TMEM196: variants seen among roughly 807,000 people sequenced by gnomAD.
The protein encoded by TMEM196 is transmembrane protein 196.
Under a neutral mutation model 20.0 loss-of-function variants are expected in TMEM196, and 17 were observed. That is an observed-to-expected ratio of 0.85 (90% CI 0.58 to 1.27). The LOEUF (loss-of-function observed/expected upper bound fraction) is 1.27. TMEM196 is among the 50% of genes most tolerant of loss of function. TMEM196 has a pLI of 0.00. For missense variants in TMEM196, 267 were observed against 223.0 expected, an observed-to-expected ratio of 1.20 and a Z score of -1.26; for synonymous variants, 113 against 88.9, an observed-to-expected ratio of 1.27 and a Z score of -1.52.
At chr7:19,754,858 C>T (rs1434977422) in intron 1 of TMEM196, among the ~76,000 whole-genome samples, 4 of 152,118 alleles carry the variant, frequency 2.6e-5, no homozygotes, top group Non-Finnish European at 4.4e-5. Context: ...ATCTATATAA[C>T]CCTATTTTTT....
intron 1 of TMEM196, among the ~76,000 whole-genome samples, chr7:19,766,017 G>A (rs369902485): frequency 6.6e-6 from 1 of 152,132 alleles, no homozygotes; most frequent in Non-Finnish European, 1.5e-5. Context: ...GATGCTCACT[G>A]ATCTCTTACT....
chr7:19,761,543 T>A (rs1291721409), intron 1 of TMEM196, among the ~76,000 whole-genome samples: 1 of 152,124 alleles, frequency 6.6e-6, no homozygotes, highest in Admixed American at 6.5e-5. Flanking sequence ...AAGGTGTTCC[T>A]CCATTAACGG....
At chr7:19,729,783 C>T (rs1265838774) in intron 1 of TMEM196, among the ~76,000 whole-genome samples, 1 of 152,118 alleles carries the variant, frequency 6.6e-6, no homozygotes, top group Admixed American at 6.5e-5. Flanking sequence ...TACATTCATT[C>T]ACACTTAACA....
intron 1 of TMEM196, among the ~76,000 whole-genome samples, chr7:19,752,333 C>G (rs1215372190): frequency 6.6e-6 from 1 of 152,142 alleles, no homozygotes; most frequent in African/African-American, 2.4e-5. Context: ...ACTGTTCTCT[C>G]AAAACTCAAA....
intron 1 of TMEM196, among the ~76,000 whole-genome samples, chr7:19,730,210 C>T (rs1429031984): frequency 6.6e-6 from 1 of 150,850 alleles, no homozygotes. Context: ...GAGCCAAGAT[C>T]GCGCCACTGC....
At chr7:19,724,478 A>G (rs930646003) in intron 3 of TMEM196, 125 bp from the exon 4 acceptor site, 28 of 798,472 alleles carry the variant, frequency 3.5e-5, no homozygotes, top group Non-Finnish European at 2.8e-5. Context: ...ATGGTCATCT[A>G]TTTTTAACAA....
chr7:19,759,359 A>G (rs1159193000), intron 1 of TMEM196, among the ~76,000 whole-genome samples: 2 of 152,042 alleles, frequency 1.3e-5, no homozygotes, highest in African/African-American at 4.8e-5. Context: ...ACTTCTCAGT[A>G]CCTTTTTTCT....
intron 1 of TMEM196, among the ~76,000 whole-genome samples, chr7:19,770,954 G>T (rs901027523): frequency 5.3e-5 from 8 of 150,824 alleles, no homozygotes; most frequent in Non-Finnish European, 8.8e-5. Flanking sequence ...ATTTCGTTGG[G>T]GGCGGGGATT....
Position 19,749,757 on chromosome 7 carries a change from T to G in TMEM196, c.148-20319A>C, listed in dbSNP as rs530089360. On this transcript the variant is annotated intron_variant, in intron 1 of 4. Transcript: ENST00000405844. ...TCTCCTTTATTTCCCTCACTCACAG[T>G]TCGTACCTCCAAATACACAACACTC... Among the ~76,000 whole-genome samples the G allele has an allele frequency of 2.3e-4, 35 of 152,294 alleles. No individual in the cohort carries two copies. The South Asian group carries it at 7.0e-3, about 31-fold the overall frequency.
At chr7:19,730,920 A>G (rs1003318175) in intron 1 of TMEM196, among the ~76,000 whole-genome samples, 2 of 152,322 alleles carry the variant, frequency 1.3e-5, no homozygotes, top group Admixed American at 6.5e-5. Context: ...TTTGCCCAAT[A>G]AATAGAGCTA....
chr7:19,724,293 C>G lies in TMEM196; in HGVS notation c.520G>C (p.Glu174Gln). 1 of 1,550,316 alleles carries G rather than the reference C, an allele frequency of 6.5e-7. No individual in the cohort carries two copies. The part of the protein sequence containing the change: ...PSCPVVPPTP[E>Q]LPTRK ...AAATCAGCGTACCTTGTAGGTAACT[C>G]TGGTGTCGGGGGCACCACCGGGCAG... is the stretch of plus-strand genomic sequence containing the variant. Residue 174 changes from glutamate to glutamine, a missense_variant, in exon 4 of 5, where the codon GAG becomes CAG. Transcript: ENST00000405844.
intron 1 of TMEM196, among the ~76,000 whole-genome samples, chr7:19,736,352 ACTATAT>A (rs1405967008): frequency 9.6e-6 from 1 of 103,926 alleles, no homozygotes; most frequent in African/African-American, 3.2e-5. Flanking sequence ...AGTGGTTCCT[ACTATAT>A]ATATATATAT....
intron 1 of TMEM196, among the ~76,000 whole-genome samples, chr7:19,766,042 G>C (rs1785614110): frequency 6.6e-6 from 1 of 152,106 alleles, no homozygotes; most frequent in African/African-American, 2.4e-5. Context: ...GCCAGGCCCA[G>C]AACTAGCAGC....
At chr7:19,740,789 G>A (rs1784557846) in intron 1 of TMEM196, among the ~76,000 whole-genome samples, 1 of 152,056 alleles carries the variant, frequency 6.6e-6, no homozygotes, top group Non-Finnish European at 1.5e-5. Context: ...TTCAGAATCT[G>A]GAGGGTCAGG....
chr7:19,763,828 ATTT>A (rs1412846232), intron 1 of TMEM196, among the ~76,000 whole-genome samples: 1 of 152,202 alleles, frequency 6.6e-6, no homozygotes, highest in Non-Finnish European at 1.5e-5. Flanking sequence ...ATCACATTTA[ATTT>A]TTAGAACAAC....
chr7:19,741,071 TA>T (rs1330017740), intron 1 of TMEM196, among the ~76,000 whole-genome samples: 4 of 152,166 alleles, frequency 2.6e-5, no homozygotes, highest in Non-Finnish European at 5.9e-5. Context: ...AGCATTTTGA[TA>T]GTCTCTCGAC....
In TMEM196 at chr7:19,720,935, T is replaced by G. The variant is rs1783792036; in HGVS notation, c.*1193A>C. On this transcript the variant is annotated 3_prime_UTR_variant, in exon 5 of 5. Transcript: ENST00000405844. ...CAAGGTGTTTGAAATATCAATATCA[T>G]CAATAATTTTAAGTCATGATATCTT... The G allele has an allele frequency of 6.6e-6, 1 of 151,916 alleles. No homozygotes were observed. The highest frequency in any genetic ancestry group is 2.1e-4 in the South Asian group (1 of 4,834). The allele number at this position is 151,916 out of a possible 1,614,324, so 9.4% of individuals were successfully genotyped here. A position where few individuals can be genotyped will look rare whatever the true frequency, so the allele number is the denominator to read the frequency against.
At chr7:19,730,103 A>G (rs938962054) in intron 1 of TMEM196, among the ~76,000 whole-genome samples, 1 of 152,078 alleles carries the variant, frequency 6.6e-6, no homozygotes, top group Non-Finnish European at 1.5e-5. Context: ...AAAAATACAA[A>G]AAATTAGCCG....
At chr7:19,767,167 T>G (rs762454927) in intron 1 of TMEM196, among the ~76,000 whole-genome samples, 1 of 152,070 alleles carries the variant, frequency 6.6e-6, no homozygotes, top group African/African-American at 2.4e-5. Flanking sequence ...GTGAACAGAA[T>G]CTAGACTAAG....
Sources: gnomAD v4.1 joint callset for allele counts (sites outside exome capture counted in the v4.1 genomes callset) on GRCh38, gnomAD v4.1.1 for gene constraint, MANE v1.5 for transcripts, NCBI Gene and HGNC (gene_info 2026-07-23, HGNC 2026-07-21) for gene names.